Variants in PLXNA2 observed in about 807,000 individuals in gnomAD.
PLXNA2 encodes the protein plexin-A2.
A neutral mutation model predicts 193.5 loss-of-function variants in PLXNA2; 91 were observed. That is an observed-to-expected ratio of 0.47 (90% CI 0.40 to 0.56). PLXNA2 has a LOEUF of 0.56. Ranked by LOEUF, PLXNA2 falls within the 20% of genes least tolerant of loss-of-function variation. The pLI is 0.00. For missense variants in PLXNA2, 1,995 were observed against 2,503.2 expected, an observed-to-expected ratio of 0.80 and a Z score of 4.33; for synonymous variants, 997 against 1,027.3, an observed-to-expected ratio of 0.97 and a Z score of 0.56.
intron 12 of PLXNA2, among the ~76,000 whole-genome samples, chr1:208,066,032 GTA>G (rs1405496351): frequency 3.3e-5 from 5 of 151,958 alleles, no homozygotes; most frequent in Admixed American, 6.5e-5. Flanking sequence ...TTTGGGGGGT[GTA>G]TGTGTGTGTG....
rs147890525 is a variant in PLXNA2 at position 208,166,709 on chromosome 1, A to G, written c.1372-24246T>C. On this transcript the variant is annotated intron_variant, in intron 3 of 31. Transcript: ENST00000367033. ...GTTTATAACAATGAAAACCGCAAAG[A>G]ACACAGAATGAGAACTTCATGCATT... is the stretch of plus-strand genomic sequence containing the variant. Among the ~76,000 whole-genome samples, 61 of 152,348 alleles carry G rather than the reference A, an allele frequency of 4.0e-4. No homozygotes were observed. In the East Asian group the frequency reaches 0.01, roughly 26 times the overall value.
Position 208,028,839 on chromosome 1 carries a change from C to T in PLXNA2, c.5429G>A (p.Trp1810Ter). 1 of 1,613,896 alleles carries T rather than the reference C, an allele frequency of 6.2e-7. No individual in the cohort carries two copies. Among genetic ancestry groups the T allele is most frequent in the Non-Finnish European group, 8.5e-7 (1 of 1,179,932 alleles). ...TGAGGGTGCTACTGACCTCTCCACC[C>T]AGCTCTTGTAGCTGGGGATGTCCTT... Reference protein sequence around the residue: ...YAKDIPSYKSWVERYYADIAK... With the variant: ...YAKDIPSYKS The change falls in exon 30 of 32, where the codon TGG becomes TAG. Residue 1810 changes from tryptophan to a stop codon, truncating the protein, a stop_gained. Transcript: ENST00000367033. LOFTEE classifies it high-confidence loss of function. This position sits in a 1 kb window ranked among gnomAD's most constrained non-coding sequence, Gnocchi z 4.2.
intron 12 of PLXNA2, among the ~76,000 whole-genome samples, chr1:208,062,819 G>A (rs12057548): frequency 0.24 from 36,646 of 151,974 alleles, 4,554 homozygotes; most frequent in East Asian, 0.36. Flanking sequence ...TAGCTCATCT[G>A]TCCCTGCACT....
chr1:208,183,607 A>AGGGGGG (rs367756173), intron 3 of PLXNA2, among the ~76,000 whole-genome samples: 1 of 105,204 alleles, frequency 9.5e-6, no homozygotes, highest in African/African-American at 3.7e-5. Context: ...AGAGAGGGAG[A>AGGGGGG]GGGGGGGGTC....
intron 3 of PLXNA2, among the ~76,000 whole-genome samples, chr1:208,190,574 CT>C (rs1287287670): frequency 6.6e-6 from 1 of 152,174 alleles, no homozygotes; most frequent in African/African-American, 2.4e-5. Context: ...CCAGATAATT[CT>C]TCATTGTGGG....
intron 1 of PLXNA2, among the ~76,000 whole-genome samples, chr1:208,227,582 C>T (rs1184753072): frequency 6.6e-6 from 1 of 152,188 alleles, no homozygotes; most frequent in East Asian, 1.9e-4. Flanking sequence ...AAGGTCAAAA[C>T]TTGAGGCTCC....
At chr1:208,162,866 C>A (rs560956350) in intron 3 of PLXNA2, among the ~76,000 whole-genome samples, 1 of 152,216 alleles carries the variant, frequency 6.6e-6, no homozygotes, top group Non-Finnish European at 1.5e-5. Context: ...ACATTCACCA[C>A]TGTGCACACT....
Position 208,024,440 on chromosome 1 carries a change from C to T in PLXNA2, c.*2803G>A, listed in dbSNP as rs591752. 0.14 allele frequency: 21,094 copies of T among 152,264 alleles called. 1,971 individuals are homozygous for T. Among genetic ancestry groups the T allele is most frequent in the East Asian group, 0.41 (2,094 of 5,160 alleles). The allele number at this position is 152,264 out of a possible 1,614,324, so 9.4% of individuals were successfully genotyped here. A position where few individuals can be genotyped will look rare whatever the true frequency, so the allele number is the denominator to read the frequency against. Reference sequence around the variant, plus strand: ...GGGGGCAGGGCCTTATAACCTTTCACCCTCATGGCGTGGCTTGAGTCCAGC... The same window carrying T: ...GGGGGCAGGGCCTTATAACCTTTCATCCTCATGGCGTGGCTTGAGTCCAGC... On this transcript the variant is annotated 3_prime_UTR_variant, in exon 32 of 32. Transcript: ENST00000367033.
chr1:208,209,509 C>T (rs1334678194), intron 3 of PLXNA2, among the ~76,000 whole-genome samples: 1 of 152,122 alleles, frequency 6.6e-6, no homozygotes, highest in African/African-American at 2.4e-5. Flanking sequence ...TGCTCTAATC[C>T]CACATAATGA....
At chr1:208,235,716 A>G (rs557282060) in intron 1 of PLXNA2, among the ~76,000 whole-genome samples, 1 of 152,268 alleles carries the variant, frequency 6.6e-6, no homozygotes, top group East Asian at 1.9e-4. Flanking sequence ...CTTCCTGACC[A>G]TCTGCTCTCA....
chr1:208,155,517 C>T (rs1051617923), intron 3 of PLXNA2, among the ~76,000 whole-genome samples: 1 of 152,218 alleles, frequency 6.6e-6, no homozygotes, highest in Non-Finnish European at 1.5e-5. Flanking sequence ...AGTGCTCCAC[C>T]TCTCCAGGGA....
chr1:208,210,274 T>G lies in PLXNA2; in HGVS notation c.1371+6A>C, dbSNP rs1342979757. 1.2e-6 allele frequency: 2 copies of G among 1,613,680 alleles called. No homozygotes were observed. Among genetic ancestry groups the G allele is most frequent in the African/African-American group, 2.7e-5 (2 of 74,826 alleles). ...CATTGGAGCATCTGAACTCATAGAC[T>G]CTTACCTTTTTCAGCTTGCCACTCT... On this transcript the variant is annotated splice_donor_region_variant and intron_variant, in intron 3 of 31. Coordinates refer to ENST00000367033, the MANE Select transcript of PLXNA2 (RefSeq NM_025179.4).
intron 4 of PLXNA2, among the ~76,000 whole-genome samples, chr1:208,130,093 C>A (rs1041650577): frequency 4.6e-5 from 7 of 152,104 alleles, no homozygotes; most frequent in Non-Finnish European, 5.9e-5. Flanking sequence ...AGGTGGGGAC[C>A]AGTCATAACT....
intron 4 of PLXNA2, 42 bp from the exon 5 acceptor site, chr1:208,103,289 G>A (rs772353969): frequency 6.8e-7 from 1 of 1,473,294 alleles, no homozygotes; most frequent in South Asian, 1.2e-5. Context: ...GTTAGGCTGT[G>A]ACGACTAGCA....
chr1:208,065,170 T>A (rs1571877651), intron 12 of PLXNA2, among the ~76,000 whole-genome samples: 1 of 151,988 alleles, frequency 6.6e-6, no homozygotes, highest in Admixed American at 6.5e-5. Flanking sequence ...TCATACAGAG[T>A]GCCCCAATGA....
Position 208,217,067 on chromosome 1 carries a change from C to A in PLXNA2, c.856G>T (p.Asp286Tyr). Residue 286 changes from aspartate (D) to tyrosine (Y), a missense_variant, in exon 2 of 32, where the codon GAT becomes TAT. Transcript: ENST00000367033. This position sits in a 1 kb window ranked among gnomAD's most constrained non-coding sequence, Gnocchi z 4.7. ...ACGTATGAGTGGAACTTGGGGTCAT[C>A]CTTGCAGAGCCGCACGATGCGTGAG... ...YTSRIVRLCK[D>Y]DPKFHSYVSL... 6.2e-7 allele frequency: 1 copy of A among 1,613,814 alleles called. No individual in the cohort carries two copies. The highest frequency in any genetic ancestry group is 8.5e-7 in the Non-Finnish European group (1 of 1,179,720).
At chr1:208,100,782 C>T (rs1341183667) in intron 5 of PLXNA2, among the ~76,000 whole-genome samples, 1 of 152,224 alleles carries the variant, frequency 6.6e-6, no homozygotes, top group South Asian at 2.1e-4. Context: ...TTTCTCCCAA[C>T]ATCTTCATCT....
At chr1:208,055,194 C>G (rs1168092691) in intron 13 of PLXNA2, among the ~76,000 whole-genome samples, 1 of 152,140 alleles carries the variant, frequency 6.6e-6, no homozygotes, top group Non-Finnish European at 1.5e-5. Context: ...GCTGAGCACA[C>G]CCGGTGGGAG....
At position 208,160,228 on chromosome 1, in the gene PLXNA2, A is replaced by T. The variant is rs578244177; in HGVS notation, c.1372-17765T>A. 6.6e-5 allele frequency among the ~76,000 whole-genome samples: 10 copies of T among 152,176 alleles called. No homozygotes were observed. In the South Asian group the frequency reaches 2.1e-3, roughly 32 times the overall value. ...CATTAGTACAACCCCCCCCGCCCAG[A>T]AGTAGAAAGGGTTATTGCGGGGAAT... On this transcript the variant is annotated intron_variant, in intron 3 of 31. Transcript: ENST00000367033.
Sources: gnomAD v4.1 joint callset for allele counts (sites outside exome capture counted in the v4.1 genomes callset) on GRCh38, gnomAD v4.1.1 for gene constraint, Gnocchi (gnomAD v3.1) non-coding constraint, MANE v1.5 for transcripts, NCBI Gene and HGNC (gene_info 2026-07-23, HGNC 2026-07-21) for gene names.